Variants in DNAH6 observed in about 807,000 individuals in gnomAD.
DNAH6 encodes axonemal beta dynein heavy chain 6.
Under a neutral mutation model 491.4 loss-of-function variants are expected in DNAH6, and 340 were observed. The observed-to-expected ratio is 0.69, with a 90% CI of 0.63 to 0.76. DNAH6 has a LOEUF of 0.76. Ranked by LOEUF, DNAH6 falls within the 30% of genes least tolerant of loss-of-function variation. DNAH6 has a pLI of 0.00. For synonymous variants in DNAH6, 1,603 were observed against 1,686.1 expected (o/e 0.95, Z 1.21); for missense variants, 4,443 against 4,972.2 (o/e 0.89, Z 3.20).
At chr2:84,601,003 C>T (rs1307200753) in intron 18 of DNAH6, among the ~76,000 whole-genome samples, 20 of 130,246 alleles carry the variant, frequency 1.5e-4, no homozygotes, top group African/African-American at 6.9e-4. Context: ...TAATAATATA[C>T]TATAATAATA....
At chr2:84,784,336 TTG>T (rs1676974684) in intron 65 of DNAH6, among the ~76,000 whole-genome samples, 2 of 152,308 alleles carry the variant, frequency 1.3e-5, no homozygotes, top group African/African-American at 4.8e-5. Flanking sequence ...TTCATGCAAC[TTG>T]TGTTAAATTG....
the DNAH6 span, among the ~76,000 whole-genome samples, chr2:84,505,585 T>A: frequency 6.6e-6 from 1 of 152,154 alleles, no homozygotes; most frequent in African/African-American, 2.4e-5. Flanking sequence ...ATACTTTAAG[T>A]TTTAAGGTAC....
intron 68 of DNAH6, among the ~76,000 whole-genome samples, chr2:84,794,022 G>T (rs891406844): frequency 6.6e-6 from 1 of 151,916 alleles, no homozygotes; most frequent in African/African-American, 2.4e-5. Flanking sequence ...AAATAATGCC[G>T]CATATCTACA....
chr2:84,542,195 A>C (rs7607328), intron 4 of DNAH6, among the ~76,000 whole-genome samples: 126,133 of 152,138 alleles, frequency 0.83, 54,424 homozygotes, highest in East Asian at 0.99. Flanking sequence ...TTTTCCAGAC[A>C]TGCACCAGGG....
At chr2:84,697,802 T>G (rs1695535217) in intron 47 of DNAH6, 75 bp downstream of exon 47, 70 of 1,474,360 alleles carry the variant, frequency 4.7e-5, no homozygotes, top group Non-Finnish European at 6.4e-5. Context: ...CATTCATTGA[T>G]TGCCTGAAGG....
At chr2:84,697,237 A>T (rs1407088240) in intron 46 of DNAH6, among the ~76,000 whole-genome samples, 1 of 152,214 alleles carries the variant, frequency 6.6e-6, no homozygotes, top group Non-Finnish European at 1.5e-5. Context: ...TCAATGGTGC[A>T]TTCTGCTTCT....
chr2:84,666,893 A>G lies in DNAH6; in HGVS notation c.6085-2396A>G, dbSNP rs563972602. ...CCAAAACAGCATGATACTGGTACCAAAACAGAGATATAGACCAACGGAACC... is the reference window on the plus strand; with the variant it reads ...CCAAAACAGCATGATACTGGTACCAGAACAGAGATATAGACCAACGGAACC... On this transcript the variant is annotated intron_variant, in intron 37 of 76. Coordinates refer to ENST00000389394, the MANE Select transcript of DNAH6 (RefSeq NM_001370.2). Among the ~76,000 whole-genome samples, 5 of 152,310 alleles carry G rather than the reference A, an allele frequency of 3.3e-5. No homozygotes were observed. In the East Asian group the frequency reaches 9.6e-4, roughly 29 times the overall value.
At chr2:84,748,066 T>G (rs1673133454) in intron 63 of DNAH6, among the ~76,000 whole-genome samples, 1 of 152,188 alleles carries the variant, frequency 6.6e-6, no homozygotes, top group South Asian at 2.1e-4. Flanking sequence ...GGACCTGCAA[T>G]GGAAGGGACT....
rs181877867 is a variant in DNAH6 at position 84,748,294 on chromosome 2, G to C, written c.10512+3045G>C. 1.3e-4 allele frequency among the ~76,000 whole-genome samples: 20 copies of C among 152,146 alleles called. No individual in the cohort carries two copies. The South Asian group carries it at 2.7e-3, about 21-fold the overall frequency. On this transcript the variant is annotated intron_variant, in intron 63 of 76. Coordinates refer to ENST00000389394, the MANE Select transcript of DNAH6 (RefSeq NM_001370.2). ...TCAGTTTCCCTTTTAATTATAAGTCGCAACTTTAAGTCATTTCTTTCCTTC... is the reference window on the plus strand; with the variant it reads ...TCAGTTTCCCTTTTAATTATAAGTCCCAACTTTAAGTCATTTCTTTCCTTC...
chr2:84,735,552 A>G (rs185182087), intron 62 of DNAH6, among the ~76,000 whole-genome samples: 1 of 152,288 alleles, frequency 6.6e-6, no homozygotes, highest in Admixed American at 6.5e-5. Flanking sequence ...CCTTGCCAAA[A>G]TCTATTTTTT....
At chr2:84,615,330 G>A (rs1686745130) in intron 22 of DNAH6, among the ~76,000 whole-genome samples, 1 of 152,068 alleles carries the variant, frequency 6.6e-6, no homozygotes, top group Admixed American at 6.6e-5. Flanking sequence ...CTTTGTCAAA[G>A]ATCAGTTGGC....
intron 37 of DNAH6, 31 bp from the exon 38 acceptor site, chr2:84,669,258 A>G (rs1692478421): frequency 2.0e-6 from 3 of 1,491,434 alleles, no homozygotes; most frequent in Non-Finnish European, 2.7e-6. Flanking sequence ...CTTATTCCCT[A>G]TTGAAAGTGG....
At chr2:84,547,760 T>G in intron 7 of DNAH6, 148 bp downstream of exon 7, 1 of 941,108 alleles carries the variant, frequency 1.1e-6, no homozygotes, top group Admixed American at 2.9e-5. Context: ...TTTAATGTAT[T>G]TTGTGGAAGG....
intron 40 of DNAH6, among the ~76,000 whole-genome samples, chr2:84,674,292 G>A (rs957771628): frequency 2.0e-5 from 3 of 152,226 alleles, no homozygotes; most frequent in African/African-American, 4.8e-5. Context: ...TAGAGCCCAG[G>A]CCATTTGGCT....
rs917004151 is a variant in DNAH6 at position 84,573,470 on chromosome 2, A to G, written c.1807A>G (p.Thr603Ala). 13 of 1,578,086 alleles carry G rather than the reference A, an allele frequency of 8.2e-6. No homozygotes were observed. The highest frequency in any genetic ancestry group is 1.4e-5 in the African/African-American group (1 of 72,528). ...FHTIISQIKE[T>A]IQAAFESARI... Reference sequence around the variant, plus strand: ...TCTGCTTATTTATAACATTTAGGAAACCATTCAGGCCGCATTTGAATCAGC... The same window carrying G: ...TCTGCTTATTTATAACATTTAGGAAGCCATTCAGGCCGCATTTGAATCAGC... The change falls in exon 12 of 77, where the codon ACC (threonine) becomes GCC (alanine). Residue 603 changes from threonine to alanine, a missense_variant. By Grantham distance (58) the Thr-to-Ala change is moderately conservative. This residue lies in a region of DNAH6 where 2,977 missense variants were observed against 3,296.6 expected (regional missense o/e 0.90). Transcript: ENST00000389394.
intron 37 of DNAH6, among the ~76,000 whole-genome samples, chr2:84,662,463 C>T (rs1691613093): frequency 6.6e-6 from 1 of 152,236 alleles, no homozygotes; most frequent in Non-Finnish European, 1.5e-5. Context: ...ATATCCTGCA[C>T]ATGGCTCAGA....
At chr2:84,581,026 G>A (rs978894916) in intron 14 of DNAH6, among the ~76,000 whole-genome samples, 3 of 152,292 alleles carry the variant, frequency 2.0e-5, no homozygotes, top group Admixed American at 2.0e-4. Flanking sequence ...GCCACCAGCA[G>A]CTCCCAAGCT....
intron 47 of DNAH6, among the ~76,000 whole-genome samples, chr2:84,698,989 G>T (rs535829120): frequency 1.3e-5 from 2 of 152,182 alleles, no homozygotes; most frequent in Non-Finnish European, 2.9e-5. Context: ...GGGTAACATG[G>T]ACATAAAGTT....
At chr2:84,765,706 TAG>T (rs1419551157) in intron 64 of DNAH6, among the ~76,000 whole-genome samples, 1 of 151,826 alleles carries the variant, frequency 6.6e-6, no homozygotes. Flanking sequence ...AAAGTCAAAC[TAG>T]AGAGTAGAAA....
Sources: gnomAD v4.1 joint callset for allele counts (sites outside exome capture counted in the v4.1 genomes callset) on GRCh38, gnomAD v4.1.1 for gene constraint, gnomAD v4.1.1 regional missense constraint, MANE v1.5 for transcripts, NCBI Gene and HGNC (gene_info 2026-07-23, HGNC 2026-07-21) for gene names.